The following SLC2A9 variants were observed in gnomAD, a reference collection of about 807,000 sequenced individuals.
SLC2A9 encodes the protein solute carrier family 2 member 9, also known as solute carrier family 2, facilitated glucose transporter member 9.
In SLC2A9, 39 loss-of-function variants were observed where a neutral mutation model predicts 50.6. That is an observed-to-expected ratio of 0.77 (90% CI 0.60 to 1.01). The LOEUF is 1.01. Among genes scored for constraint, SLC2A9 ranks in the 50% least tolerant of loss-of-function variants. The pLI is 0.00. For missense variants in SLC2A9, 686 were observed against 677.6 expected (o/e 1.01, Z -0.14); for synonymous variants, 324 against 276.9 (o/e 1.17, Z -1.69).
intron 10 of SLC2A9, among the ~76,000 whole-genome samples, chr4:9,859,745 C>A (rs1731301512): frequency 6.6e-6 from 1 of 152,240 alleles, no homozygotes. Flanking sequence ...CTTCCTCCAA[C>A]TTGCACAGCC....
In SLC2A9 at chr4:9,826,366, C is replaced by T. The variant is rs1339417064; in HGVS notation, c.*31G>A. 6.2e-7 allele frequency: 1 copy of T among 1,607,464 alleles called. No homozygotes were observed. Among genetic ancestry groups the T allele is most frequent in the East Asian group, 2.2e-5 (1 of 44,864 alleles). ...TCCATGTAGACAATCCTGTTTTTGA[C>T]ATAATTGTCCAACGTGGAGGAGGAA... On this transcript the variant is annotated 3_prime_UTR_variant, in exon 12 of 12. Coordinates refer to ENST00000264784, the MANE Select transcript of SLC2A9 (RefSeq NM_020041.3).
chr4:9,992,759 T>C (rs568630225), intron 3 of SLC2A9, among the ~76,000 whole-genome samples: 2 of 152,340 alleles, frequency 1.3e-5, no homozygotes, highest in Non-Finnish European at 2.9e-5. Flanking sequence ...ATTTTAGTTA[T>C]TGTGAGCCAA....
chr4:9,835,133 C>T, intron 10 of SLC2A9, 125 bp from the exon 11 acceptor site: 9 of 1,376,530 alleles, frequency 6.5e-6, no homozygotes, highest in Non-Finnish European at 9.1e-6. Context: ...GTGTAGTGGG[C>T]CCCAGTTCCT....
intron 3 of SLC2A9, among the ~76,000 whole-genome samples, chr4:9,801,800 A>G (rs1721443202): frequency 6.6e-6 from 1 of 151,816 alleles, no homozygotes; most frequent in Admixed American, 6.5e-5. Context: ...AACATGGACA[A>G]TGCAAAGAAA....
downstream of SLC2A9, among the ~76,000 whole-genome samples, chr4:9,795,500 T>C (rs1234009003): frequency 6.6e-6 from 1 of 152,170 alleles, no homozygotes; most frequent in Non-Finnish European, 1.5e-5. Context: ...CCACATTCCC[T>C]CTATTTTGAG....
At chr4:9,969,686 A>G (rs1753587464) in intron 5 of SLC2A9, among the ~76,000 whole-genome samples, 1 of 152,204 alleles carries the variant, frequency 6.6e-6, no homozygotes, top group Non-Finnish European at 1.5e-5. Flanking sequence ...ATGGCAGAAG[A>G]TGAAGGCATG....
At chr4:9,874,789 T>C (rs531891777) in intron 10 of SLC2A9, among the ~76,000 whole-genome samples, 1 of 152,130 alleles carries the variant, frequency 6.6e-6, no homozygotes, top group South Asian at 2.1e-4. Flanking sequence ...GAAATGGCCA[T>C]AAGTTAGTGT....
intron 2 of SLC2A9, among the ~76,000 whole-genome samples, chr4:9,999,860 G>A (rs897499671): frequency 6.6e-6 from 1 of 152,172 alleles, no homozygotes; most frequent in African/African-American, 2.4e-5. Context: ...CAAAGATCAT[G>A]GTGGACTTCA....
intron 3 of SLC2A9, among the ~76,000 whole-genome samples, chr4:9,785,801 T>C (rs1157933154): frequency 6.6e-6 from 1 of 152,220 alleles, no homozygotes; most frequent in South Asian, 2.1e-4. Context: ...AGATCTGTAC[T>C]ATATTGCACT....
chr4:10,006,288 A>T (rs1760759569), intron 2 of SLC2A9, among the ~76,000 whole-genome samples: 1 of 152,228 alleles, frequency 6.6e-6, no homozygotes, highest in Non-Finnish European at 1.5e-5. Context: ...CCCGTTTAAC[A>T]ATATTAATGT....
intron 8 of SLC2A9, among the ~76,000 whole-genome samples, chr4:9,893,814 T>C (rs535574828): frequency 1.3e-5 from 2 of 152,294 alleles, no homozygotes; most frequent in African/African-American, 4.8e-5. Context: ...TATGAAATTA[T>C]GGGCCCAGAG....
In SLC2A9 at chr4:9,834,914, G is replaced by A; in HGVS notation, c.1386C>T (p.Asn462=). 1 of 1,614,176 alleles carries A rather than the reference G, an allele frequency of 6.2e-7. No individual in the cohort carries two copies. Among genetic ancestry groups the A allele is most frequent in the East Asian group, 2.2e-5 (1 of 44,880 alleles). Residue 462 remains asparagine, a synonymous_variant, in exon 11 of 12, where the codon AAC becomes AAT. Transcript: ENST00000264784. The stretch of plus-strand genomic sequence containing the variant: ...ATGGGAAGAGGAGCCCAACAGCAAA[G>A]TTGGAGAGCCAGTTGACGGTGCCTG... The part of the protein sequence containing the change: ...IIAGTVNWLS[N]FAVGLLFPFI...
At chr4:9,773,253 C>T (rs565308636) in intron 1 of SLC2A9, among the ~76,000 whole-genome samples, 21 of 152,292 alleles carry the variant, frequency 1.4e-4, no homozygotes, top group Middle Eastern at 3.4e-3. Context: ...ACCTGCCCCT[C>T]CCCATCCCCT....
intron 3 of SLC2A9, among the ~76,000 whole-genome samples, chr4:9,994,864 G>A (rs1479591644): frequency 6.6e-6 from 1 of 152,068 alleles, no homozygotes; most frequent in East Asian, 1.9e-4. Flanking sequence ...CTGGGGCATG[G>A]GGAGTGACTC....
At chr4:9,796,426 G>T (rs1720603261), downstream of SLC2A9, among the ~76,000 whole-genome samples, 1 of 152,188 alleles carries the variant, frequency 6.6e-6, no homozygotes, top group Non-Finnish European at 1.5e-5. Context: ...ACATGAATGA[G>T]ATTGACAAGA....
At chr4:9,833,552 A>G (rs550852514) in intron 11 of SLC2A9, among the ~76,000 whole-genome samples, 1 of 152,250 alleles carries the variant, frequency 6.6e-6, no homozygotes, top group South Asian at 2.1e-4. Context: ...AAAGCCATGC[A>G]TGGGGGAGGG....
downstream of SLC2A9, among the ~76,000 whole-genome samples, chr4:9,776,683 A>T (rs1717611776): frequency 6.6e-6 from 1 of 152,168 alleles, no homozygotes; most frequent in South Asian, 2.1e-4. Flanking sequence ...GAAGGCACCT[A>T]GATATGCTCC....
intron 2 of SLC2A9, among the ~76,000 whole-genome samples, chr4:10,018,553 T>TAGAC (rs780033171): frequency 7.0e-6 from 1 of 143,074 alleles, no homozygotes; most frequent in Admixed American, 6.9e-5. Flanking sequence ...AGATGATAGA[T>TAGAC]AGATAGATAG....
rs35095818 is a variant in SLC2A9, at chr4:9,927,030, A to ATTTT, written c.815-6462_815-6459dup. On this transcript the variant is annotated intron_variant, in intron 6 of 11. Transcript: ENST00000264784. ...TGAGGGAATCCATTTCTGTTGTTCG[A>ATTTT]TTTTTTTTTTTTTTTTTTTACAGAG... Among the ~76,000 whole-genome samples, 549 of 135,816 alleles carry ATTTT rather than the reference A, an allele frequency of 4.0e-3. 8 individuals carry two copies. Among genetic ancestry groups the ATTTT allele is most frequent in the African/African-American group, 0.015 (528 of 36,406 alleles). The allele number at this position is 135,816 out of a possible 152,430, so 89.1% of individuals were successfully genotyped here.
Sources: gnomAD v4.1 joint callset for allele counts (sites outside exome capture counted in the v4.1 genomes callset) on GRCh38, gnomAD v4.1.1 for gene constraint, MANE v1.5 for transcripts, NCBI Gene and HGNC (gene_info 2026-07-23, HGNC 2026-07-21) for gene names.